Variants in PRH1 observed in about 807,000 individuals in gnomAD.
PRH1 encodes the protein salivary acidic proline-rich phosphoprotein 1/2.
Under a neutral mutation model 7.9 loss-of-function variants are expected in PRH1, and 7 were observed. The observed-to-expected ratio is 0.89, with a 90% CI of 0.50 to 1.67. PRH1 has a LOEUF of 1.67. Among genes scored for constraint, PRH1 ranks in the 40% most tolerant of loss-of-function variants. The pLI, the probability that PRH1 is intolerant of heterozygous loss-of-function variation, is 0.00. For synonymous variants in PRH1, 45 were observed against 80.8 expected (o/e 0.56, Z 2.38); for missense variants, 109 against 223.6 (o/e 0.49, Z 3.27).
intron 1 of PRH1, among the ~76,000 whole-genome samples, chr12:11,107,680 C>T (rs1481638235): frequency 5.3e-5 from 8 of 152,204 alleles, no homozygotes; most frequent in African/African-American, 1.9e-4. Context: ...TTCTATGGTA[C>T]TCGCATTAGG....
chr12:11,087,945 TATA>T lies in PRH1; in HGVS notation n.124-40760_124-40758del, dbSNP rs1338577055. 1.7e-5 allele frequency among the ~76,000 whole-genome samples: 2 copies of T among 116,836 alleles called. 1 individual carries two copies. Among genetic ancestry groups the T allele is most frequent in the Non-Finnish European group, 4.1e-5 (2 of 49,350 alleles). 76.6% of individuals were successfully genotyped at this position (116,836 alleles called of 152,430 possible). On this transcript the variant is annotated intron_variant and non_coding_transcript_variant, in intron 1 of 4. Coordinates refer to the PRH1 transcript ENST00000541977. ...AAAATCAAAACAATTTGCCTCGTTT[TATA>T]ATAATAATAACACTGTCACTGTTTT... is the stretch of plus-strand genomic sequence containing the variant.
chr12:10,991,195 T>A (rs1025315478), intron 1 of PRH1, among the ~76,000 whole-genome samples: 1 of 152,056 alleles, frequency 6.6e-6, no homozygotes, highest in Non-Finnish European at 1.5e-5. Flanking sequence ...AAAACATGAG[T>A]GTAGACCATT....
At chr12:11,052,931 G>GT (rs1491032084) in intron 1 of PRH1, among the ~76,000 whole-genome samples, 2 of 51,468 alleles carry the variant, frequency 3.9e-5, no homozygotes, top group Non-Finnish European at 5.8e-5. Context: ...TTGATTTTTT[G>GT]TTTTTTGTTT....
chr12:11,171,335 G>A, intron 1 of PRH1: 3 of 1,228,704 alleles, frequency 2.4e-6, no homozygotes, highest in Non-Finnish European at 3.0e-6. Flanking sequence ...ACAGACGCTG[G>A]GCGGGCGGCG....
intron 1 of PRH1, among the ~76,000 whole-genome samples, chr12:11,073,311 TA>T (rs1260648244): frequency 3.5e-5 from 4 of 115,684 alleles, no homozygotes; most frequent in South Asian, 4.7e-4. Flanking sequence ...TTTTTTTTTT[TA>T]AAGTAGAGAC....
At chr12:10,881,990 A>G (rs1949408257) in intron 3 of PRH1, among the ~76,000 whole-genome samples, 1 of 152,204 alleles carries the variant, frequency 6.6e-6, no homozygotes, top group South Asian at 2.1e-4. Flanking sequence ...TAAGACATGT[A>G]ATTTGAAGAT....
intron 1 of PRH1, among the ~76,000 whole-genome samples, chr12:11,013,503 T>C (rs1262369922): frequency 6.6e-6 from 1 of 152,136 alleles, no homozygotes; most frequent in Non-Finnish European, 1.5e-5. Flanking sequence ...GTAACTAAGA[T>C]ACTAAAACAT....
intron 1 of PRH1, among the ~76,000 whole-genome samples, chr12:11,168,664 T>A (rs953868750): frequency 6.6e-6 from 1 of 152,188 alleles, no homozygotes; most frequent in Admixed American, 6.5e-5. Flanking sequence ...AGAAGGCTCC[T>A]ACTATCTGGA....
intron 1 of PRH1, among the ~76,000 whole-genome samples, chr12:10,981,248 A>T (rs1939335600): frequency 6.6e-6 from 1 of 152,200 alleles, no homozygotes; most frequent in African/African-American, 2.4e-5. Flanking sequence ...CAGAGAACAG[A>T]ACACACGTCC....
intron 1 of PRH1, chr12:11,134,390 T>C: frequency 9.5e-7 from 1 of 1,056,616 alleles, no homozygotes; most frequent in Non-Finnish European, 1.3e-6. Context: ...CTGTGACCAG[T>C]GTCAAGTCAG....
intron 1 of PRH1, among the ~76,000 whole-genome samples, chr12:11,059,565 A>C (rs1368275026): frequency 3.4e-5 from 5 of 149,192 alleles, no homozygotes; most frequent in African/African-American, 1.2e-4. Flanking sequence ...ATACATATTC[A>C]AATAGACCAA....
At chr12:10,971,606 G>C (rs1185788331) in intron 2 of PRH1, among the ~76,000 whole-genome samples, 1 of 152,120 alleles carries the variant, frequency 6.6e-6, no homozygotes, top group African/African-American at 2.4e-5. Flanking sequence ...TACCTGTACT[G>C]AGTCTTAAGA....
intron 2 of PRH1, among the ~76,000 whole-genome samples, chr12:10,960,758 T>C (rs1938201200): frequency 1.3e-5 from 2 of 152,190 alleles, no homozygotes; most frequent in African/African-American, 4.8e-5. Flanking sequence ...AGAAGTAAAA[T>C]ATCAGAAGAA....
chr12:10,900,741 T>G (rs1290563277), intron 2 of PRH1, among the ~76,000 whole-genome samples: 1 of 152,190 alleles, frequency 6.6e-6, no homozygotes, highest in Non-Finnish European at 1.5e-5. Flanking sequence ...TAGGCAGAAA[T>G]CTGGGCATTT....
chr12:10,924,730 G>A (rs1264393801), intron 2 of PRH1, among the ~76,000 whole-genome samples: 1 of 152,166 alleles, frequency 6.6e-6, no homozygotes, highest in Non-Finnish European at 1.5e-5. Context: ...TTAGTCTTGG[G>A]AGGGTGTATG....
chr12:10,994,981 G>C (rs1940145735), intron 1 of PRH1, among the ~76,000 whole-genome samples: 1 of 152,116 alleles, frequency 6.6e-6, no homozygotes, highest in African/African-American at 2.4e-5. Context: ...TCACACATCT[G>C]ATATAGCTGC....
upstream of PRH1, chr12:11,048,593 T>C (rs1007411674): frequency 5.1e-6 from 3 of 589,764 alleles, no homozygotes; most frequent in Non-Finnish European, 9.4e-6. Flanking sequence ...ATGTGCACCT[T>C]GGTGCTGAGA....
At chr12:10,972,297 G>C (rs1367887086) in intron 2 of PRH1, among the ~76,000 whole-genome samples, 1 of 152,212 alleles carries the variant, frequency 6.6e-6, no homozygotes, top group East Asian at 1.9e-4. Context: ...TTAAGGTCCT[G>C]ACCTTAAACT....
At chr12:10,889,926 C>A (rs1949546728) in intron 2 of PRH1, among the ~76,000 whole-genome samples, 1 of 152,054 alleles carries the variant, frequency 6.6e-6, no homozygotes, top group African/African-American at 2.4e-5. Flanking sequence ...TGAGTGTCTA[C>A]CTTGACCTCA....
Sources: gnomAD v4.1 joint callset for allele counts (sites outside exome capture counted in the v4.1 genomes callset) on GRCh38, gnomAD v4.1.1 for gene constraint, MANE v1.5 for transcripts, NCBI Gene and HGNC (gene_info 2026-07-23, HGNC 2026-07-21) for gene names.